NRG3: variants seen among roughly 807,000 people sequenced by gnomAD.
NRG3 encodes neuregulin 3.
Under a neutral mutation model 66.9 loss-of-function variants are expected in NRG3, and 31 were observed. The observed-to-expected ratio is 0.46, with a 90% CI of 0.35 to 0.63. The LOEUF (loss-of-function observed/expected upper bound fraction) is 0.63. NRG3 is among the 20% of genes least tolerant of loss of function. The pLI is 0.00. For synonymous variants in NRG3, 393 were observed against 359.4 expected (o/e 1.09, Z -1.06); for missense variants, 910 against 878.9 (o/e 1.04, Z -0.45).
At chr10:81,908,517 T>G (rs1471434664) in intron 1 of NRG3, among the ~76,000 whole-genome samples, 2 of 152,208 alleles carry the variant, frequency 1.3e-5, no homozygotes, top group Admixed American at 1.3e-4. Context: ...CTGATCTGAT[T>G]CTGTTAGAAG....
intron 1 of NRG3, among the ~76,000 whole-genome samples, chr10:82,350,273 G>T (rs1363722827): frequency 6.6e-6 from 1 of 152,196 alleles, no homozygotes; most frequent in Non-Finnish European, 1.5e-5. Context: ...GTATGCCTAT[G>T]ATGTTGGTAT....
intron 2 of NRG3, among the ~76,000 whole-genome samples, chr10:82,498,106 T>C (rs1446542341): frequency 1.3e-5 from 2 of 152,016 alleles, no homozygotes; most frequent in Admixed American, 1.3e-4. Flanking sequence ...TTTTTTCTAA[T>C]GACTTGTGTC....
In NRG3 at chr10:82,714,258, T is replaced by C. The variant is rs61863569; in HGVS notation, c.954-24319T>C. Among the ~76,000 whole-genome samples the C allele has an allele frequency of 3.1e-3, 470 of 152,202 alleles. 1 individual carries two copies. The highest frequency in any genetic ancestry group is 5.0e-3 in the Admixed American group (76 of 15,278). ...CTGAGAACACTTTATATCCACTCTC[T>C]TAGGATTTATCAAGAATACAATATA... On this transcript the variant is annotated intron_variant, in intron 2 of 8. Transcript: ENST00000372141.
intron 4 of NRG3, among the ~76,000 whole-genome samples, chr10:82,941,309 G>A (rs1270305715): frequency 6.6e-6 from 1 of 152,020 alleles, no homozygotes; most frequent in Non-Finnish European, 1.5e-5. Flanking sequence ...TTTGCCTTCA[G>A]GCTCTCTTTT....
intron 1 of NRG3, among the ~76,000 whole-genome samples, chr10:82,161,129 TAA>T (rs1205654166): frequency 6.6e-6 from 1 of 152,012 alleles, no homozygotes; most frequent in African/African-American, 2.4e-5. Context: ...TGGGAAATTT[TAA>T]AAGATTATTA....
chr10:81,903,617 G>A (rs1481950310), intron 1 of NRG3, among the ~76,000 whole-genome samples: 1 of 152,284 alleles, frequency 6.6e-6, no homozygotes, highest in South Asian at 2.1e-4. Flanking sequence ...CATATGGTCA[G>A]CATTGCATGG....
chr10:82,499,309 T>A (rs1308791735), intron 2 of NRG3, among the ~76,000 whole-genome samples: 1 of 152,138 alleles, frequency 6.6e-6, no homozygotes, highest in Non-Finnish European at 1.5e-5. Flanking sequence ...TTGAGATAAC[T>A]AACAATTTTG....
At chr10:82,723,927 C>T (rs569411642) in intron 2 of NRG3, among the ~76,000 whole-genome samples, 5 of 151,978 alleles carry the variant, frequency 3.3e-5, no homozygotes, top group African/African-American at 9.7e-5. Flanking sequence ...TTGCAGAGAG[C>T]TGAGATCACG....
intron 2 of NRG3, among the ~76,000 whole-genome samples, chr10:82,381,657 C>G (rs184940416): frequency 6.6e-6 from 1 of 152,274 alleles, no homozygotes; most frequent in East Asian, 1.9e-4. Context: ...TCTTAATAAA[C>G]TTTTCTCATA....
intron 2 of NRG3, among the ~76,000 whole-genome samples, chr10:82,653,425 T>C (rs1416650775): frequency 6.6e-6 from 1 of 152,120 alleles, no homozygotes; most frequent in African/African-American, 2.4e-5. Flanking sequence ...CAAATGTGAC[T>C]GAATGCAAAC....
At chr10:82,880,141 A>C (rs891215166) in intron 4 of NRG3, among the ~76,000 whole-genome samples, 1 of 152,092 alleles carries the variant, frequency 6.6e-6, no homozygotes, top group African/African-American at 2.4e-5. Context: ...AGGTGACTTC[A>C]CAGGAGTTAT....
intron 1 of NRG3, among the ~76,000 whole-genome samples, chr10:81,919,454 A>C (rs1357177938): frequency 6.6e-6 from 1 of 152,170 alleles, no homozygotes; most frequent in Non-Finnish European, 1.5e-5. Context: ...CAGAGATTAC[A>C]GCATGTATTA....
intron 7 of NRG3, among the ~76,000 whole-genome samples, chr10:82,978,279 C>G (rs186481550): frequency 1.4e-4 from 22 of 152,274 alleles, no homozygotes; most frequent in African/African-American, 4.8e-4. Context: ...AACCCACTTA[C>G]ATGTTTTGCT....
Position 82,127,389 on chromosome 10 carries a change from CA to C in NRG3, c.824-231346del, listed in dbSNP as rs201742229. On this transcript the variant is annotated intron_variant, in intron 1 of 8. Transcript: ENST00000372141. ...AAAGTTTATGCGTTTTAGAACGTGG[CA>C]AAACAAGTGGAGCATGACTTATGTT... Among the ~76,000 whole-genome samples, 626 of 152,138 alleles carry C rather than the reference CA, an allele frequency of 4.1e-3. 12 individuals are homozygous for C. Among genetic ancestry groups the C allele is most frequent in the Admixed American group, 0.035 (532 of 15,274 alleles).
At chr10:81,993,403 G>A (rs1210388860) in intron 1 of NRG3, among the ~76,000 whole-genome samples, 1 of 152,104 alleles carries the variant, frequency 6.6e-6, no homozygotes, top group African/African-American at 2.4e-5. Flanking sequence ...CTGGAGTGCA[G>A]AGGTGTGATC....
intron 4 of NRG3, among the ~76,000 whole-genome samples, chr10:82,935,980 T>C (rs777849231): frequency 7.9e-5 from 12 of 152,130 alleles, no homozygotes; most frequent in Admixed American, 1.3e-4. Flanking sequence ...GTCAGTTTAA[T>C]AGTTACATGG....
chr10:82,346,066 T>C (rs1166180877), intron 1 of NRG3, among the ~76,000 whole-genome samples: 1 of 150,308 alleles, frequency 6.7e-6, no homozygotes, highest in Non-Finnish European at 1.5e-5. Context: ...TTCCTTCTCC[T>C]GCCTAATTGC....
At chr10:82,788,257 C>G (rs2060449743) in intron 3 of NRG3, among the ~76,000 whole-genome samples, 1 of 152,060 alleles carries the variant, frequency 6.6e-6, no homozygotes, top group Admixed American at 6.6e-5. Flanking sequence ...AGATCTTATA[C>G]AGGTAAATAG....
chr10:82,961,315 A>G (rs1850618824), intron 6 of NRG3, among the ~76,000 whole-genome samples: 1 of 152,250 alleles, frequency 6.6e-6, no homozygotes, highest in Admixed American at 6.5e-5. Context: ...AAATGATGAT[A>G]TAACCCAAAA....
Sources: gnomAD v4.1 joint callset for allele counts (sites outside exome capture counted in the v4.1 genomes callset) on GRCh38, gnomAD v4.1.1 for gene constraint, MANE v1.5 for transcripts, NCBI Gene and HGNC (gene_info 2026-07-23, HGNC 2026-07-21) for gene names.